The following NAV2 variants were observed in gnomAD, a reference collection of about 807,000 sequenced individuals.
NAV2 encodes helicase, APC down-regulated 1.
In NAV2, 54 loss-of-function variants were observed where a neutral mutation model predicts 223.2. That is an observed-to-expected ratio of 0.24 (90% CI 0.19 to 0.30). NAV2 has a LOEUF of 0.30. Among genes scored for constraint, NAV2 ranks in the 10% least tolerant of loss-of-function variants. NAV2 has a pLI of 1.00. For synonymous variants in NAV2, 1,279 were observed against 1,239.3 expected (o/e 1.03, Z -0.67); for missense variants, 2,806 against 3,147.5 (o/e 0.89, Z 2.60).
chr11:19,974,492 ATAT>A (rs2049531289), intron 10 of NAV2, among the ~76,000 whole-genome samples: 1 of 152,230 alleles, frequency 6.6e-6, no homozygotes, highest in African/African-American at 2.4e-5. Context: ...CTAATACAAA[ATAT>A]TAATAATAGC....
chr11:19,498,390 C>T (rs1405170598), intron 1 of NAV2, among the ~76,000 whole-genome samples: 1 of 152,192 alleles, frequency 6.6e-6, no homozygotes, highest in Non-Finnish European at 1.5e-5. Context: ...GGCCAGGTCC[C>T]CTGAGGAATC....
chr11:19,354,747 C>T (rs1462322456), intron 1 of NAV2, among the ~76,000 whole-genome samples: 1 of 152,170 alleles, frequency 6.6e-6, no homozygotes, highest in Non-Finnish European at 1.5e-5. Context: ...AGAGGATGAG[C>T]TTTAGCTGGT....
intron 31 of NAV2, among the ~76,000 whole-genome samples, chr11:20,100,547 GT>G (rs1344645769): frequency 0.078 from 158 of 2,026 alleles, no homozygotes; most frequent in Middle Eastern, 0.5. Context: ...TACTAGAGGG[GT>G]GTGTGTGTGT....
chr11:19,988,559 T>C (rs10833217), intron 11 of NAV2, among the ~76,000 whole-genome samples: 105,532 of 151,440 alleles, frequency 0.7, 37,714 homozygotes, highest in Middle Eastern at 0.83. Flanking sequence ...CTTCTTGTTA[T>C]AAGTTTTTCA....
chr11:19,588,549 C>G (rs964706023), intron 1 of NAV2, among the ~76,000 whole-genome samples: 1 of 152,136 alleles, frequency 6.6e-6, no homozygotes, highest in Admixed American at 6.5e-5. Flanking sequence ...ACCTGCTAGA[C>G]CCTATCAAGT....
chr11:19,952,369 G>A (rs1341012861), intron 10 of NAV2, among the ~76,000 whole-genome samples: 1 of 152,198 alleles, frequency 6.6e-6, no homozygotes, highest in African/African-American at 2.4e-5. Context: ...AATTAATATG[G>A]TTTTTAAACC....
At chr11:19,846,294 C>T (rs2060805171) in intron 3 of NAV2, among the ~76,000 whole-genome samples, 1 of 152,158 alleles carries the variant, frequency 6.6e-6, no homozygotes, top group South Asian at 2.1e-4. Flanking sequence ...TCTGGTGAGG[C>T]TCTTCTAGCC....
chr11:19,980,433 A>G (rs1591520694), intron 10 of NAV2, among the ~76,000 whole-genome samples: 1 of 152,300 alleles, frequency 6.6e-6, no homozygotes. Context: ...GTGTTCTGAG[A>G]TTGAGTTCTT....
At chr11:19,963,887 C>T (rs1479507864) in intron 10 of NAV2, among the ~76,000 whole-genome samples, 1 of 152,172 alleles carries the variant, frequency 6.6e-6, no homozygotes, top group African/African-American at 2.4e-5. Context: ...AAGCGCCTTA[C>T]CGCGATGTGG....
intron 1 of NAV2, among the ~76,000 whole-genome samples, chr11:19,599,368 C>T (rs773564598): frequency 2.5e-4 from 38 of 152,162 alleles, no homozygotes; most frequent in Admixed American, 9.8e-4. Flanking sequence ...TTCATCCATC[C>T]GGCCAACCTG....
In NAV2 at chr11:19,946,454, C is replaced by T. The variant is rs148513005; in HGVS notation, c.2200C>T (p.Arg734Trp). 22 of 1,613,558 alleles carry T rather than the reference C, an allele frequency of 1.4e-5. No homozygotes were observed. Among genetic ancestry groups the T allele is most frequent in the African/African-American group, 6.7e-5 (5 of 74,878 alleles). ...GACAGTGAAGAACATCGCTGATCTG[C>T]GGCAGAATTTGGAGGAAACCATGTC... Reference protein sequence around the residue: ...LRTVKNIADLRQNLEETMSSL... With the variant: ...LRTVKNIADLWQNLEETMSSL... Residue 734 changes from arginine (R) to tryptophan (W), a missense_variant, in exon 9 of 38, where the codon CGG becomes TGG. This residue lies in a region of NAV2 where 1,167 missense variants were observed against 1,180.5 expected (regional missense o/e 0.99). Coordinates refer to ENST00000349880, the MANE Select transcript of NAV2 (RefSeq NM_145117.5).
At chr11:19,449,632 G>A (rs1851717395) in intron 1 of NAV2, among the ~76,000 whole-genome samples, 1 of 149,294 alleles carries the variant, frequency 6.7e-6, no homozygotes, top group Non-Finnish European at 1.5e-5. Context: ...GGGGTGGGGG[G>A]GTAGGGGCAC....
At chr11:20,113,834 T>C (rs1022111931) in intron 36 of NAV2, among the ~76,000 whole-genome samples, 8 of 151,524 alleles carry the variant, frequency 5.3e-5, no homozygotes, top group African/African-American at 1.9e-4. Flanking sequence ...TATAGAGAGA[T>C]CCCATCTCTT....
At chr11:19,754,942 T>G (rs547131388) in intron 1 of NAV2, among the ~76,000 whole-genome samples, 2 of 152,282 alleles carry the variant, frequency 1.3e-5, no homozygotes, top group East Asian at 3.9e-4. Flanking sequence ...CTGGATTCTT[T>G]CCTGTGAACT....
intron 1 of NAV2, among the ~76,000 whole-genome samples, chr11:19,463,886 A>G (rs560885478): frequency 6.6e-6 from 1 of 152,206 alleles, no homozygotes; most frequent in East Asian, 1.9e-4. Context: ...CTTCCTGGCC[A>G]TGCTGAAGTC....
rs765461252 is a variant in NAV2 at position 20,097,558 on chromosome 11, T to C, written c.6013-19T>C. On this transcript the variant is annotated intron_variant, in intron 30 of 37. Coordinates refer to ENST00000349880, the MANE Select transcript of NAV2 (RefSeq NM_145117.5). ...TTAGCCACATCTTTGATGGGGTCTT[T>C]ATTTTTTATTTTTTCCAGGAATACA... 3 of 1,557,184 alleles carry C rather than the reference T, an allele frequency of 1.9e-6. No individual in the cohort carries two copies. Among genetic ancestry groups the C allele is most frequent in the Non-Finnish European group, 2.6e-6 (3 of 1,156,492 alleles).
intron 1 of NAV2, among the ~76,000 whole-genome samples, chr11:19,667,851 A>G (rs572268826): frequency 1.1e-4 from 17 of 152,292 alleles, no homozygotes; most frequent in Non-Finnish European, 2.2e-4. Flanking sequence ...TTTCAACATA[A>G]CTCAAGTCCT....
chr11:20,105,694 C>G lies in NAV2; in HGVS notation c.6808C>G (p.Leu2270Val). ...PKVWHHLNRF[L>V]EAHSSSDVTI... ...GGTCTGGCATCACCTCAACCGCTTC[C>G]TGGAGGCTCACAGTTCCTCGGACGT... is the stretch of plus-strand genomic sequence containing the variant. The change falls in exon 35 of 38, where the codon CTG (leucine) becomes GTG (valine). Residue 2270 changes from leucine (L) to valine (V), a missense_variant. Transcript: ENST00000349880. 6.2e-7 allele frequency: 1 copy of G among 1,613,318 alleles called. No homozygotes were observed. The highest frequency in any genetic ancestry group is 1.3e-5 in the African/African-American group (1 of 75,016).
chr11:19,503,915 A>T (rs951782686), intron 1 of NAV2: 1 of 152,222 alleles, frequency 6.6e-6, no homozygotes, highest in Non-Finnish European at 1.5e-5. Context: ...TGCAAAAGAC[A>T]ATCTGATCGA....
Sources: allele counts gnomAD v4.1 joint callset (sites outside exome capture counted in the v4.1 genomes callset), GRCh38; gene constraint gnomAD v4.1.1; regional missense constraint gnomAD v4.1.1; transcripts MANE v1.5; gene names NCBI Gene and HGNC (gene_info 2026-07-23, HGNC 2026-07-21).